Variants in ZFPM2 observed in about 807,000 individuals in gnomAD.
The protein encoded by ZFPM2 is zinc finger protein ZFPM2.
A neutral mutation model predicts 98.6 loss-of-function variants in ZFPM2; 20 were observed. The ratio of observed to expected loss-of-function variants is 0.20; its 90% CI spans 0.14 to 0.29. ZFPM2 has a LOEUF of 0.29. Ranked by LOEUF, ZFPM2 falls within the 10% of genes least tolerant of loss-of-function variation. ZFPM2 has a pLI of 1.00. For missense variants in ZFPM2, 1,310 were observed against 1,388.6 expected (o/e 0.94, Z 0.90); for synonymous variants, 518 against 502.7 (o/e 1.03, Z -0.41).
At chr8:105,333,185 A>G (rs1177285745) in intron 1 of ZFPM2, among the ~76,000 whole-genome samples, 1 of 151,758 alleles carries the variant, frequency 6.6e-6, no homozygotes, top group African/African-American at 2.4e-5. Flanking sequence ...AAGTTTAACA[A>G]TTATTATCTT....
intron 1 of ZFPM2, among the ~76,000 whole-genome samples, chr8:105,407,096 T>C (rs1811475807): frequency 6.8e-6 from 1 of 146,552 alleles, no homozygotes; most frequent in Non-Finnish European, 1.5e-5. Context: ...GGGAATCAGA[T>C]TAAATGCTCT....
intron 3 of ZFPM2, among the ~76,000 whole-genome samples, chr8:105,508,371 A>G (rs1471938933): frequency 6.6e-6 from 1 of 151,622 alleles, no homozygotes; most frequent in Non-Finnish European, 1.5e-5. Flanking sequence ...CCCTACCCCC[A>G]ACCTCCTCAG....
At chr8:105,739,362 G>T (rs1365958074) in intron 5 of ZFPM2, among the ~76,000 whole-genome samples, 1 of 151,990 alleles carries the variant, frequency 6.6e-6, no homozygotes. Context: ...CTGTTTCCCC[G>T]AATTGTTGGA....
chr8:105,473,798 A>C (rs35770952), intron 3 of ZFPM2, among the ~76,000 whole-genome samples: 12,985 of 152,296 alleles, frequency 0.085, 672 homozygotes, highest in South Asian at 0.15. Flanking sequence ...ACATATGCAA[A>C]TGTGTGTTAA....
intron 5 of ZFPM2, among the ~76,000 whole-genome samples, chr8:105,715,651 G>A (rs6999190): frequency 0.28 from 42,573 of 151,778 alleles, 6,418 homozygotes; most frequent in African/African-American, 0.36. Flanking sequence ...AAAAATAAGG[G>A]TCATCTGGAT....
At position 105,658,376 on chromosome 8, in the gene ZFPM2, C is replaced by T. The variant is rs1362724924; in HGVS notation, c.532+24019C>T. On this transcript the variant is annotated intron_variant, in intron 5 of 7. Coordinates refer to ENST00000407775, the MANE Select transcript of ZFPM2 (RefSeq NM_012082.4). ...GGCCGAGGCGGGTGGATCACGAGGT[C>T]AGGAGATCGAGACCATCCTGGCTAA... 4.6e-5 allele frequency among the ~76,000 whole-genome samples: 2 copies of T among 43,156 alleles called. 1 individual carries two copies. The highest frequency in any genetic ancestry group is 4.5e-4 in the Admixed American group (2 of 4,422). The allele number at this position is 43,156 out of a possible 152,430, so 28.3% of individuals were successfully genotyped here. A position where few individuals can be genotyped will look rare whatever the true frequency, so the allele number is the denominator to read the frequency against.
chr8:105,458,421 T>G (rs1213288020), intron 3 of ZFPM2, among the ~76,000 whole-genome samples: 1 of 151,922 alleles, frequency 6.6e-6, no homozygotes, highest in Non-Finnish European at 1.5e-5. Flanking sequence ...GGAATGAAAT[T>G]TAAAAAAAAA....
intron 5 of ZFPM2, among the ~76,000 whole-genome samples, chr8:105,687,838 G>A (rs898795214): frequency 2.0e-5 from 3 of 151,680 alleles, no homozygotes; most frequent in South Asian, 2.1e-4. Context: ...CAAGAATTAG[G>A]AACATAAAAA....
At chr8:105,552,244 G>A (rs1814871488) in intron 3 of ZFPM2, among the ~76,000 whole-genome samples, 1 of 152,042 alleles carries the variant, frequency 6.6e-6, no homozygotes, top group Admixed American at 6.6e-5. Context: ...CCTTTCTGTG[G>A]CCCTCCAGCT....
intron 3 of ZFPM2, among the ~76,000 whole-genome samples, chr8:105,541,707 T>C (rs1472930434): frequency 6.6e-6 from 1 of 152,178 alleles, no homozygotes; most frequent in Non-Finnish European, 1.5e-5. Context: ...TTTTAGGAAA[T>C]GTATAATCTT....
intron 3 of ZFPM2, among the ~76,000 whole-genome samples, chr8:105,511,339 A>G (rs745394474): frequency 2.0e-5 from 3 of 152,250 alleles, no homozygotes; most frequent in Admixed American, 6.5e-5. Context: ...CCGATGATGT[A>G]TAAGTTGTTC....
At chr8:105,620,242 T>C (rs187804928) in intron 4 of ZFPM2, among the ~76,000 whole-genome samples, 3 of 152,330 alleles carry the variant, frequency 2.0e-5, no homozygotes, top group African/African-American at 7.2e-5. Flanking sequence ...TGTGAGATGG[T>C]ATCTCATTGT....
At chr8:105,725,787 T>A (rs1365337820) in intron 5 of ZFPM2, among the ~76,000 whole-genome samples, 1 of 151,668 alleles carries the variant, frequency 6.6e-6, no homozygotes, top group Non-Finnish European at 1.5e-5. Flanking sequence ...AGTTATTATC[T>A]CCAAAAAATA....
rs1355734706 is a variant in ZFPM2 at position 105,803,717 on chromosome 8, G to A, written c.*179G>A. The A allele has an allele frequency of 5.0e-6, 3 of 596,468 alleles. No individual in the cohort carries two copies. The highest frequency in any genetic ancestry group is 1.9e-5 in the African/African-American group (1 of 53,188). 36.9% of individuals were successfully genotyped at this position (596,468 alleles called of 1,614,324 possible). A position where few individuals can be genotyped will look rare whatever the true frequency, so the allele number is the denominator to read the frequency against. ...TCCATTAGTAAAGTGTATTATTGGT[G>A]CCATTTTCAAAAAAATTAATTTATT... On this transcript the variant is annotated 3_prime_UTR_variant, in exon 8 of 8. Coordinates refer to ENST00000407775, the MANE Select transcript of ZFPM2 (RefSeq NM_012082.4).
intron 1 of ZFPM2, among the ~76,000 whole-genome samples, chr8:105,323,931 A>T (rs771722384): frequency 6.6e-6 from 1 of 151,870 alleles, no homozygotes; most frequent in African/African-American, 2.4e-5. Context: ...TTGTAAAATT[A>T]TGGAGTAAGA....
rs780534224 is a variant in ZFPM2 at position 105,802,295 on chromosome 8, G to T, written c.2213G>T (p.Arg738Leu). Residue 738 changes from arginine to leucine, a missense_variant, in exon 8 of 8, where the codon CGC (arginine) becomes CTC (leucine). Transcript: ENST00000407775. ...AMQRTMRTRK[R>L]RKMYEMCLPE... ...CAGAGAACCATGCGCACACGCAAGC[G>T]CAGAAAGATGTATGAGATGTGCCTA... The T allele has an allele frequency of 1.2e-6, 2 of 1,613,744 alleles. No individual in the cohort carries two copies. Among genetic ancestry groups the T allele is most frequent in the Non-Finnish European group, 8.5e-7 (1 of 1,179,790 alleles).
At chr8:105,351,764 G>GT (rs879703647) in intron 1 of ZFPM2, among the ~76,000 whole-genome samples, 77 of 146,758 alleles carry the variant, frequency 5.2e-4, no homozygotes, top group Admixed American at 7.5e-4. Context: ...AATATATGTT[G>GT]TTTTTTTTTT....
At chr8:105,505,234 G>A (rs1586422188) in intron 3 of ZFPM2, among the ~76,000 whole-genome samples, 1 of 152,120 alleles carries the variant, frequency 6.6e-6, no homozygotes, top group East Asian at 1.9e-4. Context: ...AGCAAACTTG[G>A]TATAATCAAA....
chr8:105,365,006 C>A (rs920307772), intron 1 of ZFPM2, among the ~76,000 whole-genome samples: 5 of 152,034 alleles, frequency 3.3e-5, no homozygotes, highest in African/African-American at 4.8e-5. Flanking sequence ...TGTCCTGGGC[C>A]CTATTATCTC....
Sources: allele counts gnomAD v4.1 joint callset (sites outside exome capture counted in the v4.1 genomes callset), GRCh38; gene constraint gnomAD v4.1.1; transcripts MANE v1.5; gene names NCBI Gene and HGNC (gene_info 2026-07-23, HGNC 2026-07-21).